The following RBFOX1 variants were observed in gnomAD, a reference collection of about 807,000 sequenced individuals.
RBFOX1 encodes the protein RNA binding protein fox-1 homolog 1.
A neutral mutation model predicts 57.7 loss-of-function variants in RBFOX1; 8 were observed. The observed-to-expected ratio is 0.14, with a 90% confidence interval of 0.08 to 0.25. The LOEUF is 0.25. Among genes scored for constraint, RBFOX1 ranks in the 10% least tolerant of loss-of-function variants. RBFOX1 has a pLI of 1.00. For missense variants in RBFOX1, 611 were observed against 548.5 expected (o/e 1.11, Z -1.14); for synonymous variants, 326 against 222.4 (o/e 1.47, Z -4.15).
chr16:5,572,029 G>A (rs953275914), intron 2 of RBFOX1, among the ~76,000 whole-genome samples: 1 of 152,150 alleles, frequency 6.6e-6, no homozygotes, highest in Non-Finnish European at 1.5e-5. Flanking sequence ...ACACTGCAAA[G>A]AGGAACACAA....
intron 1 of RBFOX1, among the ~76,000 whole-genome samples, chr16:6,300,839 A>G (rs918027973): frequency 1.1e-4 from 17 of 152,116 alleles, no homozygotes; most frequent in African/African-American, 4.1e-4. Flanking sequence ...TTCTGCTGGG[A>G]ATCTTGTTTT....
chr16:7,698,211 T>C (rs1024261808), intron 14 of RBFOX1, among the ~76,000 whole-genome samples: 11 of 132,890 alleles, frequency 8.3e-5, no homozygotes, highest in East Asian at 8.0e-4. Flanking sequence ...TGTGTGTGTG[T>C]GTGTATAAAG....
intron 4 of RBFOX1, among the ~76,000 whole-genome samples, chr16:7,241,669 A>G (rs565266583): frequency 1.3e-5 from 2 of 152,262 alleles, no homozygotes; most frequent in African/African-American, 2.4e-5. Context: ...GTAAGAGTGC[A>G]TTACAAAAAA....
At chr16:5,286,897 T>A (rs1172442191) in intron 1 of RBFOX1, among the ~76,000 whole-genome samples, 1 of 152,238 alleles carries the variant, frequency 6.6e-6, no homozygotes, top group African/African-American at 2.4e-5. Flanking sequence ...TGGCCCTTGG[T>A]CTATAGTTTG....
At chr16:6,834,155 C>G (rs149237708) in intron 3 of RBFOX1, among the ~76,000 whole-genome samples, 58 of 152,132 alleles carry the variant, frequency 3.8e-4, no homozygotes, top group African/African-American at 1.3e-3. Flanking sequence ...CTCACCACAA[C>G]CTCCGCCTCC....
At chr16:7,276,978 A>G (rs370808943) in intron 4 of RBFOX1, among the ~76,000 whole-genome samples, 6 of 152,242 alleles carry the variant, frequency 3.9e-5, no homozygotes, top group East Asian at 1.9e-4. Context: ...GCTTATGTGC[A>G]GCAAATCGTA....
chr16:5,988,381 A>G (rs1035362322), intron 4 of RBFOX1, among the ~76,000 whole-genome samples: 1 of 152,316 alleles, frequency 6.6e-6, no homozygotes. Context: ...TTACTTTAGG[A>G]TTACGTTATC....
intron 12 of RBFOX1, among the ~76,000 whole-genome samples, chr16:7,663,828 A>G (rs1401963804): frequency 6.6e-6 from 1 of 152,206 alleles, no homozygotes; most frequent in African/African-American, 2.4e-5. Context: ...GCTACATATG[A>G]TTCTCGTTAA....
intron 2 of RBFOX1, among the ~76,000 whole-genome samples, chr16:6,490,790 C>G (rs541340450): frequency 5.3e-5 from 8 of 152,256 alleles, no homozygotes; most frequent in Non-Finnish European, 7.4e-5. Context: ...CATTACTGTT[C>G]TTTATATTTC....
intron 4 of RBFOX1, among the ~76,000 whole-genome samples, chr16:7,197,651 A>G (rs771655412): frequency 5.9e-5 from 9 of 152,200 alleles, no homozygotes; most frequent in South Asian, 4.1e-4. Context: ...ATTATCCACA[A>G]TAGCTAAAAG....
rs140926199 is a variant in RBFOX1, at chr16:5,258,506, A to T, written c.219+18401A>T. Among the ~76,000 whole-genome samples, 20 of 152,322 alleles carry T rather than the reference A, an allele frequency of 1.3e-4. No individual in the cohort carries two copies. The East Asian group carries it at 3.3e-3, about 25-fold the overall frequency. Reference sequence around the variant, plus strand: ...GTTTACATTCAGATGTCTTGTCCTCAAAATGTAAATTGTGATTATTTTTTT... The same window carrying T: ...GTTTACATTCAGATGTCTTGTCCTCTAAATGTAAATTGTGATTATTTTTTT... On this transcript the variant is annotated intron_variant, in intron 1 of 2. Coordinates refer to the RBFOX1 transcript ENST00000585867.
At chr16:5,940,532 G>A (rs1329294958) in intron 4 of RBFOX1, among the ~76,000 whole-genome samples, 1 of 152,166 alleles carries the variant, frequency 6.6e-6, no homozygotes, top group Non-Finnish European at 1.5e-5. Context: ...TCACAGGGAG[G>A]TTTGTAGAAT....
At chr16:5,854,283 G>C (rs931849266) in intron 3 of RBFOX1, among the ~76,000 whole-genome samples, 11 of 152,178 alleles carry the variant, frequency 7.2e-5, no homozygotes, top group African/African-American at 2.7e-4. Context: ...GAGATCCCCA[G>C]AACTTATCCT....
chr16:6,547,691 G>C (rs779724427), intron 2 of RBFOX1, among the ~76,000 whole-genome samples: 1 of 152,002 alleles, frequency 6.6e-6, no homozygotes, highest in Non-Finnish European at 1.5e-5. Flanking sequence ...TAAGATAGCT[G>C]ATCTTTGTAA....
At chr16:5,540,870 G>C (rs2044912070) in intron 2 of RBFOX1, among the ~76,000 whole-genome samples, 1 of 152,132 alleles carries the variant, frequency 6.6e-6, no homozygotes, top group Non-Finnish European at 1.5e-5. Context: ...TATGTTTTTA[G>C]ACAGAGTCTT....
intron 3 of RBFOX1, among the ~76,000 whole-genome samples, chr16:6,879,332 C>G (rs933884182): frequency 6.6e-6 from 1 of 152,196 alleles, no homozygotes; most frequent in African/African-American, 2.4e-5. Context: ...TAATTAACTT[C>G]AGACACTCTG....
intron 1 of RBFOX1, among the ~76,000 whole-genome samples, chr16:5,384,974 G>A (rs968742632): frequency 2.6e-5 from 4 of 152,138 alleles, no homozygotes; most frequent in African/African-American, 9.7e-5. Context: ...AAACAAAATC[G>A]CTTACTGCAA....
intron 2 of RBFOX1, among the ~76,000 whole-genome samples, chr16:6,646,432 G>C (rs1004215769): frequency 1.3e-5 from 2 of 152,032 alleles, no homozygotes; most frequent in South Asian, 2.1e-4. Flanking sequence ...GGGAAATGGC[G>C]AGAGCTCTGA....
chr16:7,233,839 A>G (rs2093633565), intron 4 of RBFOX1, among the ~76,000 whole-genome samples: 1 of 152,158 alleles, frequency 6.6e-6, no homozygotes, highest in Admixed American at 6.5e-5. Flanking sequence ...GGCAAAGCTA[A>G]TTGACAACAA....
Sources: allele counts gnomAD v4.1 joint callset (sites outside exome capture counted in the v4.1 genomes callset), GRCh38; gene constraint gnomAD v4.1.1; transcripts MANE v1.5; gene names NCBI Gene and HGNC (gene_info 2026-07-23, HGNC 2026-07-21).